The following GSAP variants were observed in gnomAD, a reference collection of about 807,000 sequenced individuals.
GSAP encodes the protein gamma-secretase activating protein.
In GSAP, 118 loss-of-function variants were observed where a neutral mutation model predicts 131.7. That is an observed-to-expected ratio of 0.90 (90% confidence interval 0.77 to 1.04). The LOEUF (loss-of-function observed/expected upper bound fraction) is 1.04. Among genes scored for constraint, GSAP ranks in the 50% least tolerant of loss-of-function variants. The probability of loss-of-function intolerance (pLI) is 0.00; values close to 1 mark genes in which losing one functional copy is unlikely to be tolerated. For missense variants in GSAP, 1,019 were observed against 1,013.2 expected, an observed-to-expected ratio of 1.01 and a Z score of -0.08; for synonymous variants, 381 against 363.4, an observed-to-expected ratio of 1.05 and a Z score of -0.55.
intron 18 of GSAP, chr7:77,351,456 A>G: frequency 2.0e-6 from 2 of 984,360 alleles, no homozygotes; most frequent in Non-Finnish European, 2.4e-6. Context: ...GATAAGAGAA[A>G]AATAAATGAT....
At chr7:77,314,797 T>C (rs766454328) in intron 26 of GSAP, 5 of 226,974 alleles carry the variant, frequency 2.2e-5, no homozygotes, top group Admixed American at 1.0e-4. Context: ...TACAGTAAGA[T>C]AGCAAAAGAG....
At chr7:77,365,680 G>T (rs1045114036) in intron 12 of GSAP, among the ~76,000 whole-genome samples, 2 of 152,044 alleles carry the variant, frequency 1.3e-5, no homozygotes, top group African/African-American at 2.4e-5. Context: ...CATGAATCAC[G>T]CTGCAATTGA....
chr7:77,396,425 TC>T (rs34702173), intron 5 of GSAP, among the ~76,000 whole-genome samples: 1 of 152,092 alleles, frequency 6.6e-6, no homozygotes, highest in African/African-American at 2.4e-5. Flanking sequence ...CACCATTGTA[TC>T]CCCAGTACCA....
chr7:77,414,918 C>T (rs761476633), intron 1 of GSAP, among the ~76,000 whole-genome samples: 3 of 121,926 alleles, frequency 2.5e-5, no homozygotes, highest in African/African-American at 3.2e-5. Context: ...AGTGCAGTGG[C>T]GAGATCTCGG....
chr7:77,311,275 A>C lies in GSAP; in HGVS notation c.*83T>G. 1.2e-6 allele frequency: 1 copy of C among 853,838 alleles called. No homozygotes were observed. The highest frequency in any genetic ancestry group is 1.4e-5 in the South Asian group (1 of 69,992). 52.9% of individuals were successfully genotyped at this position (853,838 alleles called of 1,614,324 possible). ...TAAACTATTTTTGTTACCAATTTTA[A>C]ATATTGTTAAAGAATTCTCAAAGGA... On this transcript the variant is annotated 3_prime_UTR_variant, in exon 31 of 31. Transcript: ENST00000257626.
intron 20 of GSAP, 136 bp from the exon 21 acceptor site, chr7:77,329,527 T>A (rs1027232005): frequency 4.7e-6 from 2 of 422,312 alleles, no homozygotes; most frequent in South Asian, 5.8e-5. Flanking sequence ...AACACCTAGA[T>A]TTTTTTTAAA....
chr7:77,330,568 T>C, intron 19 of GSAP: 1 of 1,105,278 alleles, frequency 9.0e-7, no homozygotes, highest in Non-Finnish European at 1.1e-6. Context: ...CTTCATTTTC[T>C]GTCTCTTTTT....
At chr7:77,388,573 A>G (rs1462527443) in intron 5 of GSAP, among the ~76,000 whole-genome samples, 1 of 152,230 alleles carries the variant, frequency 6.6e-6, no homozygotes, top group Non-Finnish European at 1.5e-5. Flanking sequence ...CCCCAAGATT[A>G]CACCGTAGAA....
intron 5 of GSAP, among the ~76,000 whole-genome samples, chr7:77,394,186 AGGAATGAGGGCCACACCTTTACAAT>A (rs1355274785): frequency 6.6e-6 from 1 of 152,160 alleles, no homozygotes; most frequent in Non-Finnish European, 1.5e-5. Flanking sequence ...CAATTTTACT[AGGAATGAGGGCCACACCTTTACAAT>A]GGCCTCCTTG....
chr7:77,339,347 G>A (rs763051942), intron 19 of GSAP, among the ~76,000 whole-genome samples: 1 of 152,180 alleles, frequency 6.6e-6, no homozygotes, highest in East Asian at 1.9e-4. Flanking sequence ...CTCCTGATTA[G>A]AGTCTCCCAT....
intron 19 of GSAP, among the ~76,000 whole-genome samples, chr7:77,348,154 G>A (rs189580433): frequency 6.6e-6 from 1 of 152,216 alleles, no homozygotes; most frequent in Admixed American, 6.5e-5. Context: ...GGGCAACAAA[G>A]AGAGACCCCA....
chr7:77,377,512 T>G, intron 8 of GSAP, 122 bp from the exon 9 acceptor site: 1 of 1,217,918 alleles, frequency 8.2e-7, no homozygotes, highest in Non-Finnish European at 1.1e-6. Context: ...TTTCCACAGT[T>G]CACTGTTAGA....
intron 12 of GSAP, among the ~76,000 whole-genome samples, chr7:77,367,088 T>C (rs1795434896): frequency 1.3e-5 from 2 of 152,224 alleles, no homozygotes; most frequent in African/African-American, 2.4e-5. Context: ...TCCTGAAAGT[T>C]TGCTGAAGTT....
At chr7:77,359,059 C>G (rs147373867) in intron 14 of GSAP, among the ~76,000 whole-genome samples, 1 of 151,874 alleles carries the variant, frequency 6.6e-6, no homozygotes, top group Non-Finnish European at 1.5e-5. Context: ...TGGTGGCGTG[C>G]GCCTGTAATC....
intron 19 of GSAP, among the ~76,000 whole-genome samples, chr7:77,348,966 G>T (rs1287280717): frequency 3.3e-5 from 5 of 152,220 alleles, no homozygotes; most frequent in African/African-American, 1.2e-4. Context: ...ACGTGCACGT[G>T]CGCAAGCTCA....
At chr7:77,332,334 T>C (rs117168900) in intron 19 of GSAP, among the ~76,000 whole-genome samples, 13,402 of 152,306 alleles carry the variant, frequency 0.088, 777 homozygotes, top group South Asian at 0.12. Context: ...TTTTTCATAG[T>C]TTTGTTTTAT....
At chr7:77,321,173 CA>C (rs1216280364) in intron 25 of GSAP, among the ~76,000 whole-genome samples, 159 bp downstream of exon 25, 1 of 152,094 alleles carries the variant, frequency 6.6e-6, no homozygotes, top group Non-Finnish European at 1.5e-5. Flanking sequence ...GGTACATATG[CA>C]GGGGGGCATA....
intron 25 of GSAP, 115 bp downstream of exon 25, chr7:77,321,218 G>A (rs990647623): frequency 2.9e-6 from 2 of 700,440 alleles, no homozygotes; most frequent in African/African-American, 1.8e-5. Context: ...TAAGCTAGAT[G>A]GTGTTGAAGC....
chr7:77,338,644 G>A (rs779562933), intron 19 of GSAP, among the ~76,000 whole-genome samples: 6 of 152,124 alleles, frequency 3.9e-5, no homozygotes, highest in Non-Finnish European at 7.4e-5. Context: ...GTGGCGGGAG[G>A]GCAAGTTGGC....
Sources: allele counts gnomAD v4.1 joint callset (sites outside exome capture counted in the v4.1 genomes callset), GRCh38; gene constraint gnomAD v4.1.1; transcripts MANE v1.5; gene names NCBI Gene and HGNC (gene_info 2026-07-23, HGNC 2026-07-21).